EPHA5: variants seen among roughly 807,000 people sequenced by gnomAD.
EPHA5 encodes the protein ephrin type-A receptor 5.
A neutral mutation model predicts 105.0 loss-of-function variants in EPHA5; 60 were observed. The observed-to-expected ratio is 0.57, with a 90% CI of 0.46 to 0.71. The LOEUF is 0.71. EPHA5 is among the 30% of genes least tolerant of loss of function. The pLI is 0.00. For synonymous variants in EPHA5, 513 were observed against 449.1 expected (o/e 1.14, Z -1.80); for missense variants, 1,218 against 1,274.7 (o/e 0.96, Z 0.68).
intron 1 of EPHA5, among the ~76,000 whole-genome samples, chr4:65,665,031 A>C (rs1329413113): frequency 6.6e-6 from 1 of 151,954 alleles, no homozygotes; most frequent in Non-Finnish European, 1.5e-5. Flanking sequence ...AATATATGCT[A>C]ATTTAAATTG....
intron 11 of EPHA5, among the ~76,000 whole-genome samples, chr4:65,364,636 A>G (rs1314287623): frequency 6.6e-6 from 1 of 151,590 alleles, no homozygotes; most frequent in Non-Finnish European, 1.5e-5. Context: ...TGGCATTGCT[A>G]TGGTTATAGT....
At chr4:65,350,381 C>G (rs1027763865) in intron 13 of EPHA5, among the ~76,000 whole-genome samples, 2 of 151,638 alleles carry the variant, frequency 1.3e-5, no homozygotes, top group African/African-American at 4.8e-5. Context: ...AAAAAAAAAC[C>G]CTTATAATCT....
chr4:65,400,790 G>A (rs1183904091), intron 8 of EPHA5, among the ~76,000 whole-genome samples: 2 of 151,920 alleles, frequency 1.3e-5, no homozygotes, highest in Non-Finnish European at 2.9e-5. Context: ...AGTGAATATG[G>A]ATCTTCAAGA....
intron 8 of EPHA5, among the ~76,000 whole-genome samples, chr4:65,403,666 T>C (rs2148988471): frequency 1.3e-5 from 2 of 152,192 alleles, no homozygotes; most frequent in Admixed American, 1.3e-4. Context: ...GGAGGTTGAT[T>C]ATGCTCAGCT....
intron 3 of EPHA5, among the ~76,000 whole-genome samples, chr4:65,579,670 C>T (rs1741423661): frequency 1.3e-5 from 2 of 151,750 alleles, no homozygotes; most frequent in African/African-American, 2.4e-5. Context: ...TGACTAATTG[C>T]TTGAGTCTGT....
chr4:65,482,151 AGCCGG>A (rs938259666), intron 5 of EPHA5, among the ~76,000 whole-genome samples: 2 of 152,046 alleles, frequency 1.3e-5, no homozygotes, highest in African/African-American at 4.8e-5. Context: ...TACAAATATT[AGCCGG>A]GCCTTGTGGT....
chr4:65,348,715 G>GTA (rs1332904631), intron 13 of EPHA5, among the ~76,000 whole-genome samples: 3 of 115,574 alleles, frequency 2.6e-5, no homozygotes, highest in Non-Finnish European at 3.6e-5. Flanking sequence ...ATATGTGTGT[G>GTA]TATATATATG....
chr4:65,657,055 C>G (rs748736708), intron 1 of EPHA5, among the ~76,000 whole-genome samples: 6 of 151,522 alleles, frequency 4.0e-5, no homozygotes, highest in African/African-American at 1.2e-4. Flanking sequence ...CTTTCTTCCA[C>G]GTAAATCTAT....
chr4:65,636,264 T>C (rs1747111711), intron 2 of EPHA5, among the ~76,000 whole-genome samples: 1 of 152,160 alleles, frequency 6.6e-6, no homozygotes, highest in Non-Finnish European at 1.5e-5. Context: ...TAACAGTGGA[T>C]AGAATGCAAC....
At chr4:65,432,747 TTTAA>T (rs1328651290) in intron 5 of EPHA5, among the ~76,000 whole-genome samples, 1 of 151,958 alleles carries the variant, frequency 6.6e-6, no homozygotes, top group Non-Finnish European at 1.5e-5. Context: ...TATTTATTTA[TTTAA>T]TTAATAAAAT....
At chr4:65,652,201 T>C (rs1028430684) in intron 1 of EPHA5, among the ~76,000 whole-genome samples, 2 of 152,142 alleles carry the variant, frequency 1.3e-5, no homozygotes, top group Non-Finnish European at 2.9e-5. Context: ...AACAAAACAT[T>C]GTCAAGTCCT....
At position 65,602,055 on chromosome 4, in the gene EPHA5, T is replaced by C. The variant is rs1743792713; in HGVS notation, c.496A>G (p.Ile166Val). 1.2e-6 allele frequency: 2 copies of C among 1,614,090 alleles called. No individual in the cohort carries two copies. The highest frequency in any genetic ancestry group is 1.3e-5 in the African/African-American group (1 of 74,932). ...ATTTTGATGTATTGGTTTTCCTTGA[T>C]GTTTCTCCCATTCTGATCATCTGAC... ...FESDDQNGRNIKENQYIKIDT... is the reference protein window; with the variant it reads ...FESDDQNGRNVKENQYIKIDT... The change falls in exon 3 of 17, where the codon ATC becomes GTC. Residue 166 changes from isoleucine (I) to valine (V), a missense_variant. By Grantham distance (29) the Ile-to-Val change is conservative. Transcript: ENST00000613740.
chr4:65,356,607 A>G (rs1476328341), intron 11 of EPHA5, among the ~76,000 whole-genome samples: 3 of 151,492 alleles, frequency 2.0e-5, no homozygotes, highest in Non-Finnish European at 3.0e-5. Flanking sequence ...AAAAGCAAAA[A>G]CATTATTTGA....
At position 65,351,542 on chromosome 4, in the gene EPHA5, A is replaced by G. The variant is rs1320177378; in HGVS notation, c.2292T>C (p.Ser764=). The part of the protein sequence containing the change: ...IQLVGMLRGI[S]AGMKYLSDMG... ...TGTCAGAAAGGTACTTCATTCCTGC[A>G]GAGATACCTCTCAGCATGCCAACAA... Residue 764 remains serine, a synonymous_variant, in exon 13 of 17, where the codon TCT becomes TCC. Transcript: ENST00000613740. The G allele has an allele frequency of 6.2e-7, 1 of 1,613,732 alleles. No homozygotes were observed. The highest frequency in any genetic ancestry group is 8.5e-7 in the Non-Finnish European group (1 of 1,179,758).
chr4:65,397,737 G>A (rs1394445784), intron 8 of EPHA5, among the ~76,000 whole-genome samples: 1 of 152,020 alleles, frequency 6.6e-6, no homozygotes, highest in East Asian at 1.9e-4. Flanking sequence ...CATGCAACGG[G>A]AGCCTCAGAT....
chr4:65,600,599 A>C (rs1743623313), intron 3 of EPHA5, among the ~76,000 whole-genome samples: 1 of 152,284 alleles, frequency 6.6e-6, no homozygotes, highest in African/African-American at 2.4e-5. Context: ...TGATTCATGT[A>C]ACAGAGTGGA....
At chr4:65,389,237 A>C (rs1720460891) in intron 8 of EPHA5, among the ~76,000 whole-genome samples, 1 of 152,058 alleles carries the variant, frequency 6.6e-6, no homozygotes, top group Admixed American at 6.6e-5. Flanking sequence ...TTGCATCCTT[A>C]AAAATATAGC....
At chr4:65,516,053 C>G (rs1434194172) in intron 3 of EPHA5, among the ~76,000 whole-genome samples, 1 of 152,124 alleles carries the variant, frequency 6.6e-6, no homozygotes, top group Non-Finnish European at 1.5e-5. Flanking sequence ...TGGGACTTCT[C>G]AGCCTTCATC....
intron 11 of EPHA5, among the ~76,000 whole-genome samples, chr4:65,356,800 T>C (rs1454672369): frequency 6.6e-6 from 1 of 151,524 alleles, no homozygotes; most frequent in Non-Finnish European, 1.5e-5. Flanking sequence ...GTTTGGCTTA[T>C]GTTTTGTCTC....
Sources: gnomAD v4.1 joint callset for allele counts (sites outside exome capture counted in the v4.1 genomes callset) on GRCh38, gnomAD v4.1.1 for gene constraint, MANE v1.5 for transcripts, NCBI Gene and HGNC (gene_info 2026-07-23, HGNC 2026-07-21) for gene names.